Variants in ZNF268 observed in about 807,000 individuals in gnomAD.
ZNF268 encodes the protein zinc finger protein 3.
ZNF268 carries 20 observed loss-of-function variants against 29.3 expected under a neutral mutation model. The observed-to-expected ratio is 0.68, with a 90% confidence interval of 0.48 to 0.99. The LOEUF is 0.99. Among genes scored for constraint, ZNF268 ranks in the 50% least tolerant of loss-of-function variants. The probability of loss-of-function intolerance (pLI) is 0.00; values close to 1 mark genes in which losing one functional copy is unlikely to be tolerated. For synonymous variants in ZNF268, 429 were observed against 376.9 expected, an observed-to-expected ratio of 1.14 and a Z score of -1.60; for missense variants, 1,240 against 1,121.6, an observed-to-expected ratio of 1.11 and a Z score of -1.51.
Position 133,188,083 on chromosome 12 carries a change from C to A in ZNF268, c.234+11C>A. Reference sequence around the variant, plus strand: ...ATCACCAAGTCCTGGGTGAGCTTCTCATTTGTTTATTCCTAGTGTTTTCTT... The same window carrying A: ...ATCACCAAGTCCTGGGTGAGCTTCTAATTTGTTTATTCCTAGTGTTTTCTT... On this transcript the variant is annotated intron_variant, in intron 3 of 5. Transcript: ENST00000536435. The A allele has an allele frequency of 2.6e-6, 4 of 1,562,494 alleles. No individual in the cohort carries two copies. Among genetic ancestry groups the A allele is most frequent in the South Asian group, 1.2e-5 (1 of 84,772 alleles).
Position 133,199,762 on chromosome 12 carries a change from T to TG in ZNF268, c.458-2379dup, listed in dbSNP as rs752463351. Reference sequence around the variant, plus strand: ...AGTCAACTTCTTCCTGGTTTAGTCTTGGGAGGGTGTATGTGTCAGGGAATT... The same window carrying TG: ...AGTCAACTTCTTCCTGGTTTAGTCTTGGGGAGGGTGTATGTGTCAGGGAATT... On this transcript the variant is annotated intron_variant, in intron 5 of 5. Transcript: ENST00000536435. 5.3e-5 allele frequency among the ~76,000 whole-genome samples: 8 copies of TG among 152,352 alleles called. No homozygotes were observed. In the South Asian group the frequency reaches 1.2e-3, roughly 24 times the overall value.
rs1004587420 is a variant in ZNF268 at position 133,204,833 on chromosome 12, T to C, written c.*303T>C. 1 of 260,746 alleles carries C rather than the reference T, an allele frequency of 3.8e-6. No homozygotes were observed. The highest frequency in any genetic ancestry group is 2.2e-5 in the African/African-American group (1 of 45,218). 16.2% of individuals were successfully genotyped at this position (260,746 alleles called of 1,614,324 possible). A position where few individuals can be genotyped will look rare whatever the true frequency, so the allele number is the denominator to read the frequency against. ...AACCATGTTAAACGTTGTAAAGTCA[T>C]TTTACTAAAATAAGATTCACAAAGA... is the stretch of plus-strand genomic sequence containing the variant. On this transcript the variant is annotated 3_prime_UTR_variant, in exon 6 of 6. Coordinates refer to ENST00000536435, the MANE Select transcript of ZNF268 (RefSeq NM_003415.3).
At chr12:133,187,641 G>C (rs1956355876) in intron 2 of ZNF268, among the ~76,000 whole-genome samples, 2 of 152,244 alleles carry the variant, frequency 1.3e-5, no homozygotes, top group Non-Finnish European at 2.9e-5. Flanking sequence ...TTTGCTGTTT[G>C]AGGGTCGTAC....
Position 133,204,158 on chromosome 12 carries a change from T to A in ZNF268, c.2472T>A (p.Ile824=). Reference sequence around the variant, plus strand: ...CCTTCATTTGGAAATCACTACTCATTGTACATGAGCGAACTCATGCAGGGG... The same window carrying A: ...CCTTCATTTGGAAATCACTACTCATAGTACATGAGCGAACTCATGCAGGGG... ...GKAFIWKSLL[I]VHERTHAGVN... is the part of the protein sequence containing the mutation. Residue 824 remains isoleucine, a synonymous_variant, in exon 6 of 6, where the codon ATT becomes ATA. Transcript: ENST00000536435. 1 of 1,542,400 alleles carries A rather than the reference T, an allele frequency of 6.5e-7. No individual in the cohort carries two copies. Among genetic ancestry groups the A allele is most frequent in the Non-Finnish European group, 8.7e-7 (1 of 1,147,270 alleles).
At chr12:133,185,818 G>C (rs949324169) in intron 2 of ZNF268, among the ~76,000 whole-genome samples, 1 of 152,092 alleles carries the variant, frequency 6.6e-6, no homozygotes, top group Non-Finnish European at 1.5e-5. Context: ...GGTAGAAATG[G>C]AGACACTGGT....
At chr12:133,184,269 T>A (rs1956252886) in intron 2 of ZNF268, among the ~76,000 whole-genome samples, 1 of 135,360 alleles carries the variant, frequency 7.4e-6, no homozygotes, top group African/African-American at 3.7e-5. Context: ...GCCCAGCTAA[T>A]TTTTTTTTTG....
At chr12:133,188,529 G>A (rs1288027016) in intron 3 of ZNF268, among the ~76,000 whole-genome samples, 2 of 151,980 alleles carry the variant, frequency 1.3e-5, no homozygotes, top group African/African-American at 4.8e-5. Context: ...GTTCATGTAA[G>A]GTCCTTATCT....
chr12:133,191,332 A>G, intron 3 of ZNF268, 157 bp from the exon 4 acceptor site: 2 of 776,792 alleles, frequency 2.6e-6, no homozygotes, highest in South Asian at 3.8e-5. Context: ...AAAAAAAAAA[A>G]GAAAGAAAGA....
At position 133,211,206 on chromosome 12, in the gene ZNF268, TATAAA is replaced by T. The variant is rs1158508299; in HGVS notation, c.*6678_*6682del. 44 of 257,858 alleles carry T rather than the reference TATAAA, an allele frequency of 1.7e-4. No individual in the cohort carries two copies. In the East Asian group the frequency reaches 4.1e-3, roughly 24 times the overall value. The allele number at this position is 257,858 out of a possible 1,614,324, so 16.0% of individuals were successfully genotyped here. On this transcript the variant is annotated 3_prime_UTR_variant, in exon 6 of 6. Transcript: ENST00000536435. ...TCTGAAAAAGTGTTTGTATGCAAAA[TATAAA>T]AAAAAAACCCTAAAATTGAACAAGA...
chr12:133,186,283 C>T (rs1956312453), intron 2 of ZNF268, among the ~76,000 whole-genome samples: 1 of 151,954 alleles, frequency 6.6e-6, no homozygotes, highest in South Asian at 2.1e-4. Flanking sequence ...TTCTAGGATC[C>T]TAGACCCTGA....
chr12:133,202,487 A>G lies in ZNF268; in HGVS notation c.801A>G (p.Gln267=), dbSNP rs375876891. 6.8e-6 allele frequency: 11 copies of G among 1,612,272 alleles called. No individual in the cohort carries two copies. In the African/African-American group the frequency reaches 1.1e-4, roughly 16 times the overall value. ...TVNKKSQLMC[Q]QMYMGEKPFG... is the part of the protein sequence containing the mutation. ...ATAAGAAATCGCAACTTATGTGCCA[A>G]CAAATGTATATGGGCGAAAAACCCT... The change falls in exon 6 of 6, where the codon CAA becomes CAG. Residue 267 remains glutamine (Q), a synonymous_variant. Transcript: ENST00000536435.
intron 5 of ZNF268, among the ~76,000 whole-genome samples, chr12:133,192,817 G>A (rs769543696): frequency 5.3e-5 from 8 of 151,944 alleles, no homozygotes; most frequent in African/African-American, 1.5e-4. Context: ...CTGCCACCAC[G>A]CCCGGCTAAT....
intron 2 of ZNF268, among the ~76,000 whole-genome samples, chr12:133,183,757 A>T (rs1457105613): frequency 6.6e-6 from 1 of 152,192 alleles, no homozygotes; most frequent in Non-Finnish European, 1.5e-5. Flanking sequence ...AAAGTAGCTC[A>T]GGGAGAATGT....
At chr12:133,191,044 C>T (rs766554365) in intron 3 of ZNF268, among the ~76,000 whole-genome samples, 4 of 152,072 alleles carry the variant, frequency 2.6e-5, no homozygotes, top group Non-Finnish European at 2.9e-5. Context: ...AGGCCGGGCG[C>T]GGTGGCTCAC....
intron 3 of ZNF268, 71 bp from the exon 4 acceptor site, chr12:133,191,418 C>A: frequency 6.4e-7 from 1 of 1,568,972 alleles, no homozygotes; most frequent in Non-Finnish European, 8.7e-7. Flanking sequence ...AAATAATGGA[C>A]ACCCTAAACA....
intron 3 of ZNF268, among the ~76,000 whole-genome samples, chr12:133,190,238 A>G (rs1222967944): frequency 6.6e-6 from 1 of 152,218 alleles, no homozygotes; most frequent in Non-Finnish European, 1.5e-5. Flanking sequence ...CAGTAATGAT[A>G]ACTTCTTTTC....
rs539173472 is a variant in ZNF268 at position 133,193,596 on chromosome 12, T to C, written c.457+1593T>C. 76 of 563,514 alleles carry C rather than the reference T, an allele frequency of 1.3e-4. No individual in the cohort carries two copies. The Admixed American group carries it at 2.1e-3, about 15-fold the overall frequency. 34.9% of individuals were successfully genotyped at this position (563,514 alleles called of 1,614,324 possible). A position where few individuals can be genotyped will look rare whatever the true frequency, so the allele number is the denominator to read the frequency against. ...GGCCTAAGATCATTCCCTCAAGCCC[T>C]TTTAGAAACGACTAATCCATTCATG... On this transcript the variant is annotated intron_variant, in intron 5 of 5. Transcript: ENST00000536435.
chr12:133,198,738 A>G (rs1403135002), intron 5 of ZNF268, among the ~76,000 whole-genome samples: 1 of 150,338 alleles, frequency 6.7e-6, no homozygotes, highest in Non-Finnish European at 1.5e-5. Context: ...TTCTCCTTGA[A>G]GAGGTCCTTC....
Position 133,205,637 on chromosome 12 carries a change from A to G in ZNF268, c.*1107A>G, listed in dbSNP as rs1956885675. On this transcript the variant is annotated 3_prime_UTR_variant, in exon 6 of 6. Coordinates refer to ENST00000536435, the MANE Select transcript of ZNF268 (RefSeq NM_003415.3). ...ACTAAAAATGCATTTCCACACTGCAAACATTTTTTAGGGCTATCTTCTGCC... is the reference window on the plus strand; with the variant it reads ...ACTAAAAATGCATTTCCACACTGCAGACATTTTTTAGGGCTATCTTCTGCC... 1 of 152,246 alleles carries G rather than the reference A, an allele frequency of 6.6e-6. No homozygotes were observed. Among genetic ancestry groups the G allele is most frequent in the Non-Finnish European group, 1.5e-5 (1 of 68,046 alleles). 9.4% of individuals were successfully genotyped at this position (152,246 alleles called of 1,614,324 possible).
Sources: gnomAD v4.1 joint callset for allele counts (sites outside exome capture counted in the v4.1 genomes callset) on GRCh38, gnomAD v4.1.1 for gene constraint, MANE v1.5 for transcripts, NCBI Gene and HGNC (gene_info 2026-07-23, HGNC 2026-07-21) for gene names.